The following TMTC2 variants were observed in gnomAD, a reference collection of about 807,000 sequenced individuals.
TMTC2 encodes the protein protein O-mannosyl-transferase TMTC2.
Under a neutral mutation model 82.4 loss-of-function variants are expected in TMTC2, and 43 were observed. The observed-to-expected ratio is 0.52, with a 90% CI of 0.41 to 0.67. The LOEUF (loss-of-function observed/expected upper bound fraction) is 0.67. Ranked by LOEUF, TMTC2 falls within the 30% of genes least tolerant of loss-of-function variation. TMTC2 has a pLI of 0.00. For synonymous variants in TMTC2, 408 were observed against 381.9 expected (o/e 1.07, Z -0.80); for missense variants, 919 against 1,012.4 (o/e 0.91, Z 1.25).
intron 1 of TMTC2, among the ~76,000 whole-genome samples, chr12:82,843,654 A>T (rs140857121): frequency 6.6e-6 from 1 of 152,196 alleles, no homozygotes; most frequent in Non-Finnish European, 1.5e-5. Flanking sequence ...CTGGGTAAAG[A>T]AAGGTGATTT....
chr12:82,882,175 A>G (rs1340959048), intron 2 of TMTC2, among the ~76,000 whole-genome samples: 1 of 150,054 alleles, frequency 6.7e-6, no homozygotes, highest in East Asian at 2.0e-4. Context: ...AATTTTTTGT[A>G]TTTTTAGTAG....
chr12:83,019,050 C>T (rs1374996377), intron 8 of TMTC2, among the ~76,000 whole-genome samples: 1 of 152,104 alleles, frequency 6.6e-6, no homozygotes, highest in Non-Finnish European at 1.5e-5. Context: ...GAAAAAGACT[C>T]AGCTTAAAGA....
At chr12:82,828,010 C>T (rs974162006) in intron 1 of TMTC2, among the ~76,000 whole-genome samples, 2 of 150,388 alleles carry the variant, frequency 1.3e-5, no homozygotes, top group African/African-American at 2.5e-5. Flanking sequence ...CTCCTGTCTC[C>T]GCCTCCTGAG....
At chr12:82,833,101 T>C (rs1869838944) in intron 1 of TMTC2, among the ~76,000 whole-genome samples, 1 of 152,220 alleles carries the variant, frequency 6.6e-6, no homozygotes, top group Non-Finnish European at 1.5e-5. Flanking sequence ...TTGTCGTCTT[T>C]TCCAAAATGT....
intron 5 of TMTC2, 95 bp from the exon 6 acceptor site, chr12:82,965,465 C>G: frequency 1.4e-6 from 2 of 1,395,198 alleles, no homozygotes; most frequent in East Asian, 2.4e-5. Context: ...TTAATGAGCA[C>G]TAAACCATAG....
intron 9 of TMTC2, among the ~76,000 whole-genome samples, chr12:83,048,155 T>C (rs1305448986): frequency 6.6e-6 from 1 of 152,204 alleles, no homozygotes; most frequent in East Asian, 1.9e-4. Context: ...TGTGTTTTAA[T>C]TTAAAAAGCA....
chr12:83,106,125 C>T (rs1267185925), intron 11 of TMTC2, among the ~76,000 whole-genome samples: 1 of 151,802 alleles, frequency 6.6e-6, no homozygotes, highest in Admixed American at 6.6e-5. Context: ...GGCCACACAG[C>T]GAAGGAAAAT....
chr12:82,846,205 A>G (rs1870664243), intron 1 of TMTC2, among the ~76,000 whole-genome samples: 1 of 151,976 alleles, frequency 6.6e-6, no homozygotes, highest in South Asian at 2.1e-4. Flanking sequence ...CTAAAAATAC[A>G]AAAATTAGCC....
At chr12:82,728,722 G>A (rs1874592839) in intron 1 of TMTC2, among the ~76,000 whole-genome samples, 1 of 152,362 alleles carries the variant, frequency 6.6e-6, no homozygotes, top group African/African-American at 2.4e-5. Context: ...CCCTTTCTGG[G>A]CTGGCCAAGG....
At chr12:82,733,329 A>T (rs955711826) in intron 1 of TMTC2, among the ~76,000 whole-genome samples, 2 of 152,206 alleles carry the variant, frequency 1.3e-5, no homozygotes, top group African/African-American at 4.8e-5. Context: ...AGTACCTGCT[A>T]GGTTACCAGG....
intron 1 of TMTC2, among the ~76,000 whole-genome samples, chr12:82,788,542 T>C (rs964387514): frequency 6.6e-6 from 1 of 152,120 alleles, no homozygotes; most frequent in African/African-American, 2.4e-5. Flanking sequence ...TCCCCACTTA[T>C]ATTTTGCATG....
rs373941600 is a variant in TMTC2, at chr12:82,882,179, T to G, written c.655-13639T>G. Among the ~76,000 whole-genome samples the G allele has an allele frequency of 9.7e-3, 1,471 of 151,002 alleles. 38 individuals carry two copies. In the East Asian group the frequency reaches 0.1, roughly 10 times the overall value. On this transcript the variant is annotated intron_variant, in intron 2 of 11. Coordinates refer to ENST00000321196, the MANE Select transcript of TMTC2 (RefSeq NM_152588.3). Reference sequence around the variant, plus strand: ...TACGCCCAGCTAATTTTTTGTATTTTTAGTAGAGACGGGGTTTCACCGTTT... The same window carrying G: ...TACGCCCAGCTAATTTTTTGTATTTGTAGTAGAGACGGGGTTTCACCGTTT...
rs145229380 is a variant in TMTC2, at chr12:82,695,438, T to C, written c.83+7769T>C. ...TAGATCTGTGTTAAGATCATTGTTA[T>C]AAAGCATATTGTTATTGAGTTCTAT... On this transcript the variant is annotated intron_variant, in intron 1 of 11. Coordinates refer to ENST00000321196, the MANE Select transcript of TMTC2 (RefSeq NM_152588.3). 1.6e-3 allele frequency among the ~76,000 whole-genome samples: 241 copies of C among 152,366 alleles called. 1 individual carries two copies. Among genetic ancestry groups the C allele is most frequent in the African/African-American group, 5.4e-3 (224 of 41,590 alleles).
chr12:82,889,588 G>A lies in TMTC2; in HGVS notation c.655-6230G>A, dbSNP rs574623490. On this transcript the variant is annotated intron_variant, in intron 2 of 11. Transcript: ENST00000321196. The stretch of plus-strand genomic sequence containing the variant: ...TTAAATAAAAAATAAAAGGCCTTTC[G>A]TACATACGTAAGCATTTGTGAAAAA... 1.1e-4 allele frequency among the ~76,000 whole-genome samples: 17 copies of A among 151,866 alleles called. No homozygotes were observed. In the South Asian group the frequency reaches 2.9e-3, roughly 26 times the overall value.
chr12:83,121,828 G>C (rs10862587), intron 11 of TMTC2, among the ~76,000 whole-genome samples: 4 of 151,920 alleles, frequency 2.6e-5, no homozygotes, highest in African/African-American at 7.3e-5. Flanking sequence ...GTATTGCTGC[G>C]ACTGCTGTTG....
intron 2 of TMTC2, among the ~76,000 whole-genome samples, chr12:82,882,465 T>G (rs2137157532): frequency 6.6e-6 from 1 of 152,280 alleles, no homozygotes; most frequent in Non-Finnish European, 1.5e-5. Flanking sequence ...CTCGATCTGT[T>G]ACTCTGATGT....
At chr12:82,865,745 G>A (rs1158647728) in intron 2 of TMTC2, among the ~76,000 whole-genome samples, 9 of 152,100 alleles carry the variant, frequency 5.9e-5, no homozygotes. Context: ...TTCCAAAATT[G>A]ACCACATAGT....
At chr12:82,891,566 C>T (rs557431712) in intron 2 of TMTC2, among the ~76,000 whole-genome samples, 16 of 152,194 alleles carry the variant, frequency 1.1e-4, no homozygotes, top group Non-Finnish European at 1.5e-4. Context: ...CCTCAGCCTC[C>T]GAAATTGCTG....
chr12:82,984,867 T>C (rs2137335531), intron 7 of TMTC2, among the ~76,000 whole-genome samples: 1 of 152,220 alleles, frequency 6.6e-6, no homozygotes, highest in Non-Finnish European at 1.5e-5. Context: ...GCTCTGCTGT[T>C]AGTGAAATGC....
Sources: allele counts gnomAD v4.1 joint callset (sites outside exome capture counted in the v4.1 genomes callset), GRCh38; gene constraint gnomAD v4.1.1; transcripts MANE v1.5; gene names NCBI Gene and HGNC (gene_info 2026-07-23, HGNC 2026-07-21).